The following CHCHD3 variants were observed in gnomAD, a reference collection of about 807,000 sequenced individuals.
The protein encoded by CHCHD3 is MICOS complex subunit MIC19.
In CHCHD3, 20 loss-of-function variants were observed where a neutral mutation model predicts 38.2. That is an observed-to-expected ratio of 0.52 (90% CI 0.37 to 0.76). The LOEUF is 0.76. Ranked by LOEUF, CHCHD3 falls within the 30% of genes least tolerant of loss-of-function variation. The pLI is 0.00. For missense variants in CHCHD3, 245 were observed against 279.2 expected, an observed-to-expected ratio of 0.88 and a Z score of 0.87; for synonymous variants, 82 against 100.0, an observed-to-expected ratio of 0.82 and a Z score of 1.07.
At chr7:132,974,767 G>C (rs1046529843) in intron 4 of CHCHD3, among the ~76,000 whole-genome samples, 3 of 152,014 alleles carry the variant, frequency 2.0e-5, no homozygotes, top group Admixed American at 6.5e-5. Flanking sequence ...TCAGCTACTC[G>C]GGAGGCTGAG....
At chr7:133,027,447 AG>A (rs754549224) in intron 2 of CHCHD3, among the ~76,000 whole-genome samples, 39 of 29,178 alleles carry the variant, frequency 1.3e-3, no homozygotes, top group Non-Finnish European at 2.1e-3. Flanking sequence ...GGAGGGAGGG[AG>A]GGGGGGAGAG....
At chr7:132,946,983 A>C (rs1194868825) in intron 4 of CHCHD3, among the ~76,000 whole-genome samples, 2 of 151,938 alleles carry the variant, frequency 1.3e-5, no homozygotes, top group Admixed American at 1.3e-4. Flanking sequence ...AAACCACCAT[A>C]CTTTTCTGCT....
chr7:133,067,898 C>A (rs143745371), intron 2 of CHCHD3, among the ~76,000 whole-genome samples: 3,962 of 152,164 alleles, frequency 0.026, 179 homozygotes, highest in African/African-American at 0.09. Flanking sequence ...GGGCGGATCA[C>A]GAGGTCAGGA....
intron 5 of CHCHD3, among the ~76,000 whole-genome samples, chr7:132,868,618 G>A (rs1055525041): frequency 2.6e-5 from 4 of 151,960 alleles, no homozygotes; most frequent in African/African-American, 9.7e-5. Context: ...CCAGAATTAA[G>A]TCTGACCCAG....
chr7:132,853,044 T>A (rs142128792), intron 5 of CHCHD3, among the ~76,000 whole-genome samples: 25 of 152,292 alleles, frequency 1.6e-4, no homozygotes, highest in Non-Finnish European at 3.1e-4. Flanking sequence ...CAGAATCAAA[T>A]CTATTTGCTC....
chr7:132,945,676 C>T (rs986109127), intron 4 of CHCHD3, among the ~76,000 whole-genome samples: 1 of 151,742 alleles, frequency 6.6e-6, no homozygotes, highest in African/African-American at 2.4e-5. Context: ...ACTCATCTTG[C>T]TTTAATAAAA....
chr7:132,964,602 CT>C (rs1241227234), intron 4 of CHCHD3, among the ~76,000 whole-genome samples: 3 of 152,102 alleles, frequency 2.0e-5, no homozygotes, highest in Non-Finnish European at 4.4e-5. Context: ...GAGAAAGTTT[CT>C]GCCTTTATAT....
intron 5 of CHCHD3, among the ~76,000 whole-genome samples, chr7:132,853,934 T>A (rs763492732): frequency 6.0e-4 from 91 of 152,174 alleles, no homozygotes; most frequent in Non-Finnish European, 9.3e-4. Context: ...TCCTTGATAG[T>A]AGCATTTGAA....
intron 2 of CHCHD3, among the ~76,000 whole-genome samples, chr7:133,042,824 A>G (rs1210123233): frequency 1.3e-5 from 2 of 152,218 alleles, no homozygotes; most frequent in African/African-American, 4.8e-5. Context: ...AATGAATATT[A>G]TTAATAAAGA....
chr7:132,946,513 C>T (rs1464127163), intron 4 of CHCHD3, among the ~76,000 whole-genome samples: 1 of 151,768 alleles, frequency 6.6e-6, no homozygotes, highest in African/African-American at 2.4e-5. Flanking sequence ...TAGGGAATGG[C>T]AAACATTAAA....
At chr7:133,044,285 CTCCA>C (rs1813913983) in intron 2 of CHCHD3, among the ~76,000 whole-genome samples, 1 of 152,180 alleles carries the variant, frequency 6.6e-6, no homozygotes, top group African/African-American at 2.4e-5. Flanking sequence ...TTAAAATGTT[CTCCA>C]TTAGCGCTTT....
chr7:132,873,970 A>G (rs1808832369), intron 5 of CHCHD3, among the ~76,000 whole-genome samples: 1 of 152,228 alleles, frequency 6.6e-6, no homozygotes, highest in Non-Finnish European at 1.5e-5. Context: ...CCTAAATTTC[A>G]GAAAACCTGC....
At chr7:133,051,277 T>A (rs1021741792) in intron 2 of CHCHD3, among the ~76,000 whole-genome samples, 4 of 152,150 alleles carry the variant, frequency 2.6e-5, no homozygotes, top group Non-Finnish European at 5.9e-5. Context: ...AGGATCTCTA[T>A]CTCCATTATA....
intron 4 of CHCHD3, among the ~76,000 whole-genome samples, chr7:132,949,696 G>A (rs1457559591): frequency 6.6e-6 from 1 of 151,956 alleles, no homozygotes; most frequent in Non-Finnish European, 1.5e-5. Flanking sequence ...CCAATATTCA[G>A]ACCCTAAAGT....
At position 132,985,693 on chromosome 7, in the gene CHCHD3, C is replaced by T. The variant is rs1383201906; in HGVS notation, c.252-10407G>A. On this transcript the variant is annotated intron_variant, in intron 3 of 7. Transcript: ENST00000262570. ...GGGAGGGAGGTGGGGGGGGGGTCAG[C>T]CCCCCGCCCGGCCAGCCGCCCCATC... Among the ~76,000 whole-genome samples the T allele has an allele frequency of 6.2e-4, 50 of 80,652 alleles. 7 individuals carry two copies. The highest frequency in any genetic ancestry group is 2.3e-3 in the African/African-American group (48 of 21,102). 52.9% of individuals were successfully genotyped at this position (80,652 alleles called of 152,430 possible). A position where few individuals can be genotyped will look rare whatever the true frequency, so the allele number is the denominator to read the frequency against.
rs201956166 is a variant in CHCHD3 at position 132,886,681 on chromosome 7, TAC to T, written c.370-938_370-937del. Among the ~76,000 whole-genome samples, 1,005 of 144,924 alleles carry T rather than the reference TAC, an allele frequency of 6.9e-3. 10 individuals carry two copies. The highest frequency in any genetic ancestry group is 0.023 in the African/African-American group (930 of 39,696). ...ATATGTGTGTATATATACATATATA[TAC>T]ACACACACTATATATAGATATATAT... On this transcript the variant is annotated intron_variant, in intron 4 of 7. Transcript: ENST00000262570.
At chr7:133,008,163 C>CATGG (rs565611545) in intron 3 of CHCHD3, among the ~76,000 whole-genome samples, 21 of 152,144 alleles carry the variant, frequency 1.4e-4, no homozygotes, top group Non-Finnish European at 2.8e-4. Context: ...GTGAAATGTG[C>CATGG]ATGGCCCCAC....
chr7:132,924,452 T>C (rs375654162), intron 4 of CHCHD3, among the ~76,000 whole-genome samples: 3 of 152,322 alleles, frequency 2.0e-5, no homozygotes, highest in South Asian at 2.1e-4. Flanking sequence ...GTTTTAAGTA[T>C]AGGTAAAAAT....
chr7:132,935,219 C>T (rs1810608550), intron 4 of CHCHD3, among the ~76,000 whole-genome samples: 1 of 152,196 alleles, frequency 6.6e-6, no homozygotes, highest in South Asian at 2.1e-4. Context: ...AGTACAAGTA[C>T]CTGAGGCAGC....
Sources: allele counts gnomAD v4.1 joint callset (sites outside exome capture counted in the v4.1 genomes callset), GRCh38; gene constraint gnomAD v4.1.1; transcripts MANE v1.5; gene names NCBI Gene and HGNC (gene_info 2026-07-23, HGNC 2026-07-21).